Variants in KIF26B observed in about 807,000 individuals in gnomAD.
KIF26B encodes the protein kinesin-like protein KIF26B.
In KIF26B, 63 loss-of-function variants were observed where a neutral mutation model predicts 151.2. That is an observed-to-expected ratio of 0.42 (90% confidence interval 0.34 to 0.51). The LOEUF (loss-of-function observed/expected upper bound fraction) is 0.51. Ranked by LOEUF, KIF26B falls within the 20% of genes least tolerant of loss-of-function variation. The pLI is 0.07. For missense variants in KIF26B, 2,813 were observed against 2,913.6 expected (o/e 0.97, Z 0.79); for synonymous variants, 1,357 against 1,262.1 (o/e 1.08, Z -1.59).
chr1:245,441,115 T>C (rs955767931), intron 4 of KIF26B, among the ~76,000 whole-genome samples: 7 of 152,180 alleles, frequency 4.6e-5, no homozygotes, highest in Non-Finnish European at 1.0e-4. Flanking sequence ...TGCTTTGGGA[T>C]TGTGAACTCC....
intron 2 of KIF26B, among the ~76,000 whole-genome samples, chr1:245,310,258 G>A (rs572240268): frequency 3.3e-5 from 5 of 152,064 alleles, no homozygotes; most frequent in Admixed American, 6.6e-5. Flanking sequence ...GAGAGATAGC[G>A]TGGTCTTAGG....
At chr1:245,360,200 G>T (rs1393477282) in intron 2 of KIF26B, among the ~76,000 whole-genome samples, 1 of 152,102 alleles carries the variant, frequency 6.6e-6, no homozygotes, top group Non-Finnish European at 1.5e-5. Context: ...GACTTGACCA[G>T]ATGTGGTGGT....
chr1:245,467,706 C>T (rs1659825738), intron 4 of KIF26B, among the ~76,000 whole-genome samples: 1 of 152,098 alleles, frequency 6.6e-6, no homozygotes, highest in Non-Finnish European at 1.5e-5. Flanking sequence ...ACCAGCCTGG[C>T]CAACATGGTG....
At position 245,512,053 on chromosome 1, in the gene KIF26B, G is replaced by A. The variant is rs1660848875; in HGVS notation, c.1167-28714G>A. Among the ~76,000 whole-genome samples the A allele has an allele frequency of 6.6e-6, 1 of 152,110 alleles. No individual in the cohort carries two copies. Among genetic ancestry groups the A allele is most frequent in the African/African-American group, 2.4e-5 (1 of 41,408 alleles). On this transcript the variant is annotated intron_variant, in intron 4 of 14. Transcript: ENST00000407071. This position sits in a 1 kb window ranked among gnomAD's most constrained non-coding sequence, Gnocchi z 4.3. Reference sequence around the variant, plus strand: ...TAAGATCATAAATCACTTAGGTAAGGTCATCAAAAGAGATGGCTGATATTT... The same window carrying A: ...TAAGATCATAAATCACTTAGGTAAGATCATCAAAAGAGATGGCTGATATTT...
chr1:245,390,943 A>AAAAAAAAAAAAAAAAACAAAAC (rs1553270131), intron 3 of KIF26B, among the ~76,000 whole-genome samples: 2 of 118,458 alleles, frequency 1.7e-5, no homozygotes, highest in Admixed American at 1.6e-4. Flanking sequence ...AAAAAAAAAA[A>AAAAAAAAAAAAAAAAACAAAAC]AAAAAAAAAC....
chr1:245,464,584 C>T (rs1030877689), intron 4 of KIF26B, among the ~76,000 whole-genome samples: 4 of 108,670 alleles, frequency 3.7e-5, no homozygotes, highest in Admixed American at 1.0e-4. Context: ...TGTGTGTGCA[C>T]GTGTGTGGGT....
At chr1:245,462,840 A>G (rs1558175678) in intron 4 of KIF26B, among the ~76,000 whole-genome samples, 1 of 101,724 alleles carries the variant, frequency 9.8e-6, no homozygotes, top group Non-Finnish European at 2.0e-5. Context: ...CTGTGAAGAA[A>G]TCAGTGTGAA....
intron 6 of KIF26B, 38 bp from the exon 7 acceptor site, chr1:245,607,613 G>A (rs190135147): frequency 3.1e-5 from 48 of 1,545,122 alleles, no homozygotes; most frequent in Non-Finnish European, 4.1e-5. Context: ...CCGCTGCGAG[G>A]TCCATTCACG....
chr1:245,186,629 C>G (rs904446453), intron 2 of KIF26B, among the ~76,000 whole-genome samples: 1 of 152,154 alleles, frequency 6.6e-6, no homozygotes, highest in African/African-American at 2.4e-5. Flanking sequence ...TTTCTTGTTA[C>G]TTAGCCAGGC....
chr1:245,659,888 A>G (rs1267171724), intron 10 of KIF26B, among the ~76,000 whole-genome samples: 14 of 98,326 alleles, frequency 1.4e-4, no homozygotes, highest in Non-Finnish European at 4.1e-5. Flanking sequence ...AAAATACAAG[A>G]AAAAAAAAAA....
chr1:245,485,995 C>T (rs1660273017), intron 4 of KIF26B, among the ~76,000 whole-genome samples: 1 of 152,232 alleles, frequency 6.6e-6, no homozygotes, highest in Non-Finnish European at 1.5e-5. Context: ...GCTATTCTTA[C>T]ATATACTGGC....
At chr1:245,409,267 G>A (rs555807525) in intron 3 of KIF26B, among the ~76,000 whole-genome samples, 1 of 152,338 alleles carries the variant, frequency 6.6e-6, no homozygotes, top group East Asian at 1.9e-4. Context: ...TTGGAACTAA[G>A]AAATCTAAGG....
chr1:245,351,817 A>G lies in KIF26B; in HGVS notation c.466-15017A>G, dbSNP rs953688072. On this transcript the variant is annotated intron_variant, in intron 2 of 14. Transcript: ENST00000407071. The stretch of plus-strand genomic sequence containing the variant: ...TTTTCTGTTTTGAGCCTTTGATTAC[A>G]GCTTGTTTTGTAATACACCATAAAG... Among the ~76,000 whole-genome samples, 14 of 152,236 alleles carry G rather than the reference A, an allele frequency of 9.2e-5. No homozygotes were observed. In the South Asian group the frequency reaches 1.4e-3, roughly 16 times the overall value.
chr1:245,228,304 A>T (rs1669918645), intron 2 of KIF26B, among the ~76,000 whole-genome samples: 1 of 152,158 alleles, frequency 6.6e-6, no homozygotes, highest in South Asian at 2.1e-4. Context: ...GGGCATCTCC[A>T]GGTATCTTCC....
At chr1:245,191,128 A>C (rs1669102238) in intron 2 of KIF26B, among the ~76,000 whole-genome samples, 1 of 147,710 alleles carries the variant, frequency 6.8e-6, no homozygotes, top group Non-Finnish European at 1.5e-5. Flanking sequence ...ATATTTGTTC[A>C]TTTGTAATCT....
intron 3 of KIF26B, among the ~76,000 whole-genome samples, chr1:245,406,968 A>G (rs956909722): frequency 5.9e-5 from 9 of 151,976 alleles, no homozygotes; most frequent in African/African-American, 1.5e-4. Context: ...TTGTATTTTT[A>G]GTAGAGACAA....
intron 2 of KIF26B, among the ~76,000 whole-genome samples, chr1:245,298,970 A>G (rs1671382093): frequency 6.6e-6 from 1 of 152,200 alleles, no homozygotes; most frequent in Non-Finnish European, 1.5e-5. Context: ...AAATGAGAAC[A>G]TGTGTCTTGG....
At chr1:245,676,250 A>T (rs2044356324) in intron 10 of KIF26B, 2 of 152,220 alleles carry the variant, frequency 1.3e-5, no homozygotes, top group African/African-American at 2.4e-5. Context: ...CCTGAGCAGA[A>T]CTTAAGAATG....
chr1:245,468,982 C>T (rs1378659179), intron 4 of KIF26B, among the ~76,000 whole-genome samples: 3 of 152,146 alleles, frequency 2.0e-5, no homozygotes, highest in African/African-American at 7.2e-5. Context: ...AATATTTACA[C>T]ACAATATATA....
Sources: allele counts gnomAD v4.1 joint callset (sites outside exome capture counted in the v4.1 genomes callset), GRCh38; gene constraint gnomAD v4.1.1; non-coding constraint Gnocchi (gnomAD v3.1); transcripts MANE v1.5; gene names NCBI Gene and HGNC (gene_info 2026-07-23, HGNC 2026-07-21).